Variants in EPS8L2 observed in about 807,000 individuals in gnomAD.
EPS8L2 encodes the protein epidermal growth factor receptor kinase substrate 8-like protein 2.
Under a neutral mutation model 99.4 loss-of-function variants are expected in EPS8L2, and 81 were observed. The ratio of observed to expected loss-of-function variants is 0.82; its 90% CI spans 0.68 to 0.98. The LOEUF is 0.98. Among genes scored for constraint, EPS8L2 ranks in the 50% least tolerant of loss-of-function variants. The pLI, the probability that EPS8L2 is intolerant of heterozygous loss-of-function variation, is 0.00. For synonymous variants in EPS8L2, 509 were observed against 407.3 expected (o/e 1.25, Z -3.01); for missense variants, 1,155 against 968.8 (o/e 1.19, Z -2.55).
In EPS8L2 at chr11:726,115, G is replaced by T. The variant is rs762088691; in HGVS notation, c.1698G>T (p.Trp566Cys). 31 of 1,605,214 alleles carry T rather than the reference G, an allele frequency of 1.9e-5. No homozygotes were observed. Among genetic ancestry groups the T allele is most frequent in the Non-Finnish European group, 2.6e-5 (30 of 1,175,954 alleles). ...APFEQAGQKY[W>C]GPASPTHKLP... ...CCCCGCAGGCCGGTCAGAAGTACTG[G>T]GGCCCCGCCAGCCCGACCCACAAGC... The change falls in exon 18 of 21, where the codon TGG becomes TGT. Residue 566 changes from tryptophan to cysteine, a missense_variant. Coordinates refer to ENST00000318562, the MANE Select transcript of EPS8L2 (RefSeq NM_022772.4).
chr11:717,579 T>TA (rs773915516), intron 4 of EPS8L2, among the ~76,000 whole-genome samples: 10 of 151,838 alleles, frequency 6.6e-5, no homozygotes, highest in Non-Finnish European at 1.3e-4. Flanking sequence ...ATAGAATAGG[T>TA]AAAAAAACAC....
chr11:726,836 G>T, intron 20 of EPS8L2, 65 bp from the exon 21 acceptor site: 2 of 1,588,710 alleles, frequency 1.3e-6, no homozygotes, highest in East Asian at 2.3e-5. Context: ...CGCAGAGCAA[G>T]GGGGAGGCCG....
At chr11:717,927 T>C (rs913691248) in intron 4 of EPS8L2, among the ~76,000 whole-genome samples, 2 of 151,798 alleles carry the variant, frequency 1.3e-5, no homozygotes, top group African/African-American at 4.8e-5. Context: ...GAGAATGGCG[T>C]GAACCTGGGA....
intron 11 of EPS8L2, 50 bp downstream of exon 11, chr11:722,041 G>A (rs745563356): frequency 2.5e-6 from 4 of 1,608,552 alleles, no homozygotes; most frequent in Admixed American, 3.4e-5. Context: ...TGAGGGGAGG[G>A]TGGAGGCCCC....
chr11:727,098 C>T lies in EPS8L2; in HGVS notation c.*117C>T. The T allele has an allele frequency of 1.4e-6, 1 of 740,410 alleles. No homozygotes were observed. The highest frequency in any genetic ancestry group is 2.3e-6 in the Non-Finnish European group (1 of 443,342). The allele number at this position is 740,410 out of a possible 1,614,324, so 45.9% of individuals were successfully genotyped here. ...GGACACGGAGGGGGTGTGGTGCTGG[C>T]TAGAGGTCCCTGCCCCTGTCTGGAG... On this transcript the variant is annotated 3_prime_UTR_variant, in exon 21 of 21. Transcript: ENST00000318562.
chr11:725,051 A>G (rs1862278276), intron 16 of EPS8L2, among the ~76,000 whole-genome samples: 1 of 152,336 alleles, frequency 6.6e-6, no homozygotes, highest in African/African-American at 2.4e-5. Flanking sequence ...AAAGGCATGC[A>G]GAGACCCCTG....
At chr11:713,742 C>T (rs1204549649) in intron 4 of EPS8L2, among the ~76,000 whole-genome samples, 1 of 152,244 alleles carries the variant, frequency 6.6e-6, no homozygotes, top group East Asian at 1.9e-4. Flanking sequence ...GATGGGGTTT[C>T]ACCATGTTGG....
Position 709,679 on chromosome 11 carries a change from CT to C in EPS8L2, c.100+72del, listed in dbSNP as rs1318973894. The C allele has an allele frequency of 2.0e-6, 3 of 1,534,878 alleles. No individual in the cohort carries two copies. The African/African-American group carries it at 4.1e-5, about 21-fold the overall frequency. ...GGCACTGCATCCAGGTGGGGGACAG[CT>C]GCTCCTGCCCCACAGCTGTGCCTGG... On this transcript the variant is annotated intron_variant, in intron 3 of 20. Coordinates refer to ENST00000318562, the MANE Select transcript of EPS8L2 (RefSeq NM_022772.4).
intron 3 of EPS8L2, chr11:710,063 C>G (rs1861843598): frequency 2.7e-6 from 1 of 365,470 alleles, no homozygotes; most frequent in African/African-American, 2.1e-5. Flanking sequence ...CCTGGGAGGG[C>G]AGGGAGAGTG....
At chr11:707,329 A>G (rs147049194) in intron 1 of EPS8L2, among the ~76,000 whole-genome samples, 490 of 152,106 alleles carry the variant, frequency 3.2e-3, no homozygotes, top group Admixed American at 4.8e-3. Context: ...GGGCCTCCCC[A>G]TTCCAGGGCC....
intron 3 of EPS8L2, 197 bp downstream of exon 3, chr11:709,805 G>C: frequency 1.6e-6 from 1 of 620,146 alleles, no homozygotes. Flanking sequence ...ACACCCGTAA[G>C]GGGAGAGGCC....
Position 722,692 on chromosome 11 carries a change from C to G in EPS8L2, c.1228C>G (p.Pro410Ala), listed in dbSNP as rs200209713. Residue 410 changes from proline to alanine, a missense_variant, in exon 14 of 21, where the codon CCA (proline) becomes GCA (alanine). Coordinates refer to ENST00000318562, the MANE Select transcript of EPS8L2 (RefSeq NM_022772.4). ...MRPRSEWPRE[P>A]QVPLYVPKFH... ...CCCCAGTTCCGAGTGGCCGCGGGAG[C>G]CACAGGTGCCCCTCTACGTGCCCAA... 6.2e-7 allele frequency: 1 copy of G among 1,608,410 alleles called. No homozygotes were observed. The highest frequency in any genetic ancestry group is 1.1e-5 in the South Asian group (1 of 90,298).
chr11:706,618 T>TC, intron 1 of EPS8L2: 1 of 152,774 alleles, frequency 6.5e-6, no homozygotes, highest in South Asian at 2.1e-4. Flanking sequence ...GTGGGGGCAA[T>TC]CCCTGCGTCC....
rs766528044 is a variant in EPS8L2, at chr11:721,928, G to A, written c.921G>A (p.Arg307=). 3 of 1,595,916 alleles carry A rather than the reference G, an allele frequency of 1.9e-6. No individual in the cohort carries two copies. Among genetic ancestry groups the A allele is most frequent in the Admixed American group, 1.7e-5 (1 of 57,228 alleles). The change falls in exon 11 of 21, where the codon CGG becomes CGA. Residue 307 remains arginine (R), a synonymous_variant. Transcript: ENST00000318562. ...PAEGVLTLRA[R]PPSEGEFIDC... is the part of the protein sequence containing the mutation. ...AGGGCGTCCTCACACTGCGGGCACG[G>A]CCCCCCTCTGAGGGCGAGTTCATCG...
At position 721,362 on chromosome 11, in the gene EPS8L2, C is replaced by G; in HGVS notation, c.768+10C>G. The G allele has an allele frequency of 3.3e-6, 5 of 1,536,982 alleles. No homozygotes were observed. Among genetic ancestry groups the G allele is most frequent in the Non-Finnish European group, 4.4e-6 (5 of 1,144,936 alleles). On this transcript the variant is annotated intron_variant, in intron 9 of 20. Transcript: ENST00000318562. ...GATAGAGAAGGAGACGGTGGGTGCCCGGGCCCGGCAGGTGGCCCCTCTCTT... is the reference window on the plus strand; with the variant it reads ...GATAGAGAAGGAGACGGTGGGTGCCGGGGCCCGGCAGGTGGCCCCTCTCTT...
rs961645927 is a variant in EPS8L2 at position 709,620 on chromosome 11, T to C, written c.100+12T>C. 6.2e-7 allele frequency: 1 copy of C among 1,612,638 alleles called. No individual in the cohort carries two copies. Among genetic ancestry groups the C allele is most frequent in the African/African-American group, 1.3e-5 (1 of 75,002 alleles). ...CAAGGACCTGTTTGGTGAGTGAGGT[T>C]TGAGAACGGGCTGGACGTCACAGGG... On this transcript the variant is annotated intron_variant, in intron 3 of 20. Coordinates refer to ENST00000318562, the MANE Select transcript of EPS8L2 (RefSeq NM_022772.4).
intron 4 of EPS8L2, among the ~76,000 whole-genome samples, chr11:712,765 G>T (rs1315574340): frequency 6.6e-6 from 1 of 152,248 alleles, no homozygotes; most frequent in Non-Finnish European, 1.5e-5. Flanking sequence ...CTTGAATCGG[G>T]CTGTTTTGGG....
At chr11:717,140 C>G (rs1862045600) in intron 4 of EPS8L2, among the ~76,000 whole-genome samples, 1 of 152,104 alleles carries the variant, frequency 6.6e-6, no homozygotes, top group Non-Finnish European at 1.5e-5. Flanking sequence ...CCACGCCGGG[C>G]TAATTTTTGT....
At chr11:721,734 G>C in intron 10 of EPS8L2, 43 bp downstream of exon 10, 1 of 1,280,102 alleles carries the variant, frequency 7.8e-7, no homozygotes, top group Non-Finnish European at 1.1e-6. Flanking sequence ...AGGGGACGGG[G>C]CCAGCAGGTG....
Sources: allele counts gnomAD v4.1 joint callset (sites outside exome capture counted in the v4.1 genomes callset), GRCh38; gene constraint gnomAD v4.1.1; transcripts MANE v1.5; gene names NCBI Gene and HGNC (gene_info 2026-07-23, HGNC 2026-07-21).